Variants in ROBO2 observed in about 807,000 individuals in gnomAD.
The protein encoded by ROBO2 is roundabout homolog 2.
ROBO2 carries 53 observed loss-of-function variants against 160.8 expected under a neutral mutation model. The observed-to-expected ratio is 0.33, with a 90% CI of 0.26 to 0.41. ROBO2 has a LOEUF of 0.41. Ranked by LOEUF, ROBO2 falls within the 10% of genes least tolerant of loss-of-function variation. The probability of loss-of-function intolerance (pLI) is 1.00; values close to 1 mark genes in which losing one functional copy is unlikely to be tolerated. For missense variants in ROBO2, 1,577 were observed against 1,722.4 expected (o/e 0.92, Z 1.49); for synonymous variants, 664 against 611.7 (o/e 1.09, Z -1.26).
intron 2 of ROBO2, among the ~76,000 whole-genome samples, chr3:77,368,524 G>A (rs1168743034): frequency 6.6e-6 from 1 of 152,108 alleles, no homozygotes; most frequent in East Asian, 1.9e-4. Context: ...GTCCTCATTA[G>A]CTGATACTGC....
chr3:76,237,781 G>GA lies in ROBO2; in HGVS notation c.109+300185dup, dbSNP rs1355464833. Among the ~76,000 whole-genome samples, 3 of 152,260 alleles carry GA rather than the reference G, an allele frequency of 2.0e-5. No individual in the cohort carries two copies. The South Asian group carries it at 6.2e-4, about 32-fold the overall frequency. On this transcript the variant is annotated intron_variant, in intron 2 of 26. Coordinates refer to the ROBO2 transcript ENST00000487694. ...CAATGTGGTTAGAGGACATGAGTGT[G>GA]AAAAAACTTTGGTAGAGTATGAGAT...
chr3:76,311,404 A>G (rs1214430584), intron 2 of ROBO2: 3 of 152,118 alleles, frequency 2.0e-5, no homozygotes, highest in African/African-American at 2.4e-5. Flanking sequence ...GGAAAGGAAA[A>G]CCTTGGAAGG....
intron 1 of ROBO2, among the ~76,000 whole-genome samples, chr3:77,067,546 G>A (rs2066986241): frequency 6.6e-6 from 1 of 152,114 alleles, no homozygotes; most frequent in African/African-American, 2.4e-5. Flanking sequence ...GAAAAGATAG[G>A]GGAAAATATC....
chr3:76,881,600 A>G (rs1440118518), intron 2 of ROBO2, among the ~76,000 whole-genome samples: 1 of 152,236 alleles, frequency 6.6e-6, no homozygotes, highest in Non-Finnish European at 1.5e-5. Context: ...ATCTGCTGCA[A>G]AATTATTCTT....
At chr3:75,943,481 A>C (rs1948143798) in intron 2 of ROBO2, among the ~76,000 whole-genome samples, 1 of 152,148 alleles carries the variant, frequency 6.6e-6, no homozygotes, top group African/African-American at 2.4e-5. Context: ...TTAAGATTTC[A>C]TTTGGAGATT....
chr3:76,591,117 A>G (rs371457584), intron 2 of ROBO2, among the ~76,000 whole-genome samples: 2 of 152,112 alleles, frequency 1.3e-5, no homozygotes, highest in South Asian at 4.1e-4. Context: ...GATGACTGGA[A>G]GCCTTACTGA....
intron 2 of ROBO2, among the ~76,000 whole-genome samples, chr3:76,453,248 T>A (rs1254559154): frequency 6.6e-6 from 1 of 152,112 alleles, no homozygotes; most frequent in Non-Finnish European, 1.5e-5. Context: ...GAAGTCCTTG[T>A]CCATGCCTAT....
chr3:77,007,127 A>G (rs1460999453), intron 2 of ROBO2, among the ~76,000 whole-genome samples: 1 of 152,128 alleles, frequency 6.6e-6, no homozygotes, highest in Non-Finnish European at 1.5e-5. Context: ...CAGGTGGATA[A>G]AAGTGAGAAT....
chr3:76,230,631 T>C (rs972298929), intron 2 of ROBO2, among the ~76,000 whole-genome samples: 17 of 152,142 alleles, frequency 1.1e-4, no homozygotes, highest in African/African-American at 3.6e-4. Flanking sequence ...ACTTTTCATC[T>C]GGAATTACTT....
At chr3:76,954,607 A>C (rs1406617575) in intron 2 of ROBO2, among the ~76,000 whole-genome samples, 1 of 152,248 alleles carries the variant, frequency 6.6e-6, no homozygotes, top group Non-Finnish European at 1.5e-5. Context: ...GATGAAAATA[A>C]ACAAGGGCAT....
chr3:76,389,766 T>C (rs2077059721), intron 2 of ROBO2, among the ~76,000 whole-genome samples: 1 of 152,146 alleles, frequency 6.6e-6, no homozygotes. Flanking sequence ...CACTTTCCTT[T>C]GTTACATACA....
chr3:77,321,130 A>G (rs545976843), intron 2 of ROBO2, among the ~76,000 whole-genome samples: 194 of 152,206 alleles, frequency 1.3e-3, no homozygotes, highest in Non-Finnish European at 2.1e-3. Context: ...CGGACTTTCT[A>G]TCTGTCCATA....
chr3:76,205,511 T>C (rs1302330296), intron 2 of ROBO2, among the ~76,000 whole-genome samples: 1 of 152,184 alleles, frequency 6.6e-6, no homozygotes, highest in Non-Finnish European at 1.5e-5. Flanking sequence ...ACAGCTCGTC[T>C]GTATAGAGGA....
At chr3:77,104,429 T>C (rs1481316763) in intron 2 of ROBO2, among the ~76,000 whole-genome samples, 1 of 152,192 alleles carries the variant, frequency 6.6e-6, no homozygotes, top group Non-Finnish European at 1.5e-5. Flanking sequence ...CAATAATATT[T>C]CATGGTATCA....
At chr3:76,337,831 A>G (rs557724901) in intron 2 of ROBO2, among the ~76,000 whole-genome samples, 7 of 152,216 alleles carry the variant, frequency 4.6e-5, no homozygotes, top group Admixed American at 3.9e-4. Context: ...GTCATTATGT[A>G]TAATTCTATT....
At chr3:76,665,892 TACATATTATATATAATATAC>T (rs1339737651) in intron 2 of ROBO2, among the ~76,000 whole-genome samples, 4 of 123,000 alleles carry the variant, frequency 3.3e-5, no homozygotes, top group Non-Finnish European at 7.1e-5. Flanking sequence ...ATATAATATA[TACATATTATATATAATATAC>T]ACATATTTTA....
At chr3:77,177,337 T>G (rs2080252596) in intron 2 of ROBO2, among the ~76,000 whole-genome samples, 1 of 151,974 alleles carries the variant, frequency 6.6e-6, no homozygotes. Flanking sequence ...TCATGTCATC[T>G]TATTATTGGT....
At chr3:77,305,909 CCCTTTTATT>C in intron 2 of ROBO2, among the ~76,000 whole-genome samples, 1 of 152,184 alleles carries the variant, frequency 6.6e-6, no homozygotes. Flanking sequence ...TCTGTCTGTG[CCCTTTTATT>C]CTTTTGAAGA....
chr3:76,568,997 A>ATATTTAGAT (rs1482710974), intron 2 of ROBO2, among the ~76,000 whole-genome samples: 2 of 152,218 alleles, frequency 1.3e-5, no homozygotes, highest in Non-Finnish European at 2.9e-5. Context: ...ATGCTGTTTA[A>ATATTTAGAT]TATTTAGATC....
Sources: gnomAD v4.1 joint callset for allele counts (sites outside exome capture counted in the v4.1 genomes callset) on GRCh38, gnomAD v4.1.1 for gene constraint, MANE v1.5 for transcripts, NCBI Gene and HGNC (gene_info 2026-07-23, HGNC 2026-07-21) for gene names.